The following RXYLT1 variants were observed in gnomAD, a reference collection of about 807,000 sequenced individuals.
The protein encoded by RXYLT1 is ribitol xylosyltransferase 1.
In RXYLT1, 41 loss-of-function variants were observed where a neutral mutation model predicts 43.5. The ratio of observed to expected loss-of-function variants is 0.94; its 90% CI spans 0.73 to 1.22. The LOEUF is 1.22. Among genes scored for constraint, RXYLT1 ranks in the 50% most tolerant of loss-of-function variants. RXYLT1 has a pLI of 0.00. For missense variants in RXYLT1, 514 were observed against 532.0 expected, an observed-to-expected ratio of 0.97 and a Z score of 0.33; for synonymous variants, 166 against 194.4, an observed-to-expected ratio of 0.85 and a Z score of 1.21.
At chr12:63,808,511 T>A (rs2136235003) in intron 5 of RXYLT1, 164 bp from the exon 6 acceptor site, 1 of 689,070 alleles carries the variant, frequency 1.5e-6, no homozygotes, top group Non-Finnish European at 2.3e-6. Context: ...TCAACATTTT[T>A]AAGAAATCTG....
chr12:63,783,145 T>G (rs1044770468), intron 2 of RXYLT1, among the ~76,000 whole-genome samples: 1 of 152,240 alleles, frequency 6.6e-6, no homozygotes, highest in African/African-American at 2.4e-5. Context: ...GATTTTCTTC[T>G]GAGCCCTCAC....
chr12:63,785,022 G>T lies in RXYLT1; in HGVS notation c.378G>T (p.Val126=). ...IFEGLLDPSD[V]TAQWREGKSI... ...AAGGCTTACTTGATCCCAGCGATGT[G>T]ACTGCTCAATGGAGAGAAGGAAAGT... The change falls in exon 3 of 6, where the codon GTG becomes GTT. Residue 126 remains valine (V), a synonymous_variant. Transcript: ENST00000261234. 1 of 1,613,942 alleles carries T rather than the reference G, an allele frequency of 6.2e-7. No individual in the cohort carries two copies. The highest frequency in any genetic ancestry group is 1.1e-5 in the South Asian group (1 of 91,060).
intron 2 of RXYLT1, chr12:63,782,665 T>C (rs1010577459): frequency 4.4e-6 from 2 of 455,426 alleles, no homozygotes; most frequent in African/African-American, 4.0e-5. Flanking sequence ...AGTAATCCCA[T>C]CTCCATTTCT....
chr12:63,781,163 A>G lies in RXYLT1; in HGVS notation c.314A>G (p.Lys105Arg). 6.4e-7 allele frequency: 1 copy of G among 1,566,166 alleles called. No individual in the cohort carries two copies. Among genetic ancestry groups the G allele is most frequent in the Non-Finnish European group, 8.6e-7 (1 of 1,159,462 alleles). ...GATCTCAGTGTACAAATCTGGGGCAAAGCTGCCATTGGTAAGTTAATACGT... is the reference window on the plus strand; with the variant it reads ...GATCTCAGTGTACAAATCTGGGGCAGAGCTGCCATTGGTAAGTTAATACGT... ...KTDLSVQIWG[K>R]AAIGLYLWEH... The change falls in exon 2 of 6, where the codon AAA becomes AGA. Residue 105 changes from lysine (K) to arginine (R), a missense_variant. Physicochemically the swap from Lys to Arg is conservative, Grantham distance 26 (BLOSUM62 2). Transcript: ENST00000261234.
chr12:63,782,041 G>C (rs928883117), intron 2 of RXYLT1, among the ~76,000 whole-genome samples: 1 of 152,152 alleles, frequency 6.6e-6, no homozygotes, highest in African/African-American at 2.4e-5. Flanking sequence ...TTTAAATAAA[G>C]TCTCTAATAT....
intron 3 of RXYLT1, among the ~76,000 whole-genome samples, chr12:63,788,746 T>A (rs1897859256): frequency 6.6e-6 from 1 of 152,248 alleles, no homozygotes; most frequent in South Asian, 2.1e-4. Flanking sequence ...AATAAGACTA[T>A]TTCACCTTCA....
At chr12:63,790,145 G>A (rs555347544) in intron 3 of RXYLT1, among the ~76,000 whole-genome samples, 1 of 152,120 alleles carries the variant, frequency 6.6e-6, no homozygotes, top group African/African-American at 2.4e-5. Flanking sequence ...CCAAATAAAT[G>A]ATATAGAATG....
intron 3 of RXYLT1, among the ~76,000 whole-genome samples, chr12:63,792,273 C>G (rs896782517): frequency 2.6e-5 from 4 of 152,176 alleles, no homozygotes; most frequent in African/African-American, 7.2e-5. Context: ...CACACCTTAT[C>G]CAGTGTAATA....
intron 3 of RXYLT1, among the ~76,000 whole-genome samples, chr12:63,799,957 T>C (rs1469866950): frequency 6.6e-6 from 1 of 152,210 alleles, no homozygotes; most frequent in Non-Finnish European, 1.5e-5. Flanking sequence ...TATCACTGAA[T>C]CATTAGTCAT....
chr12:63,792,575 G>A (rs148756843), intron 3 of RXYLT1, among the ~76,000 whole-genome samples: 1 of 152,308 alleles, frequency 6.6e-6, no homozygotes, highest in African/African-American at 2.4e-5. Flanking sequence ...CTGCTGGCGT[G>A]CTATGAGATT....
intron 3 of RXYLT1, among the ~76,000 whole-genome samples, chr12:63,798,060 C>T (rs1410971014): frequency 6.6e-6 from 1 of 152,180 alleles, no homozygotes; most frequent in Non-Finnish European, 1.5e-5. Flanking sequence ...CACCACCCAA[C>T]ATCTACCTAT....
At chr12:63,801,952 T>C in intron 3 of RXYLT1, 139 bp from the exon 4 acceptor site, 1 of 760,160 alleles carries the variant, frequency 1.3e-6, no homozygotes. Context: ...CAAAAGATTG[T>C]ATTATAGAAA....
rs1346354757 is a variant in RXYLT1, at chr12:63,808,732, G to T, written c.972G>T (p.Gln324His). ...AGAATTACCAAGATGCCTTGCTTCAGAGTGATCTCACATTGTGCCCGGTCG... is the reference window on the plus strand; with the variant it reads ...AGAATTACCAAGATGCCTTGCTTCATAGTGATCTCACATTGTGCCCGGTCG... ...SLKNYQDALLQSDLTLCPVGV... is the reference protein window; with the variant it reads ...SLKNYQDALLHSDLTLCPVGV... Residue 324 changes from glutamine (Q) to histidine (H), a missense_variant, in exon 6 of 6, where the codon CAG becomes CAT. Physicochemically the swap from Gln to His is conservative, Grantham distance 24. Transcript: ENST00000261234. 2 of 1,610,688 alleles carry T rather than the reference G, an allele frequency of 1.2e-6. No individual in the cohort carries two copies. The highest frequency in any genetic ancestry group is 4.5e-5 in the East Asian group (2 of 44,876).
chr12:63,800,957 T>A (rs899713997), intron 3 of RXYLT1, among the ~76,000 whole-genome samples: 1 of 152,088 alleles, frequency 6.6e-6, no homozygotes, highest in Non-Finnish European at 1.5e-5. Context: ...ACATTCCCAT[T>A]TACTCACCAT....
chr12:63,788,932 A>G (rs991618715), intron 3 of RXYLT1, among the ~76,000 whole-genome samples: 1 of 152,102 alleles, frequency 6.6e-6, no homozygotes, highest in Non-Finnish European at 1.5e-5. Context: ...AGCTTCTCCA[A>G]CCCACCTTAT....
At chr12:63,786,908 G>A (rs1278404171) in intron 3 of RXYLT1, among the ~76,000 whole-genome samples, 7 of 152,168 alleles carry the variant, frequency 4.6e-5, no homozygotes, top group African/African-American at 1.7e-4. Context: ...GAGGTCAGGA[G>A]TTCGAGACCA....
chr12:63,802,201 G>T lies in RXYLT1; in HGVS notation c.539G>T (p.Trp180Leu). 1.2e-6 allele frequency: 2 copies of T among 1,614,026 alleles called. No individual in the cohort carries two copies. The highest frequency in any genetic ancestry group is 2.2e-5 in the South Asian group (2 of 91,068). The change falls in exon 4 of 6, where the codon TGG becomes TTG. Residue 180 changes from tryptophan (W) to leucine (L), a missense_variant. Transcript: ENST00000261234. The stretch of plus-strand genomic sequence containing the variant: ...GCAAAGATCTTTTATGCCACCCAGT[G>T]GTTACTTTATGCACAAAATTTAGTG... Reference protein sequence around the residue: ...EKAKIFYATQWLLYAQNLVQI... With the variant: ...EKAKIFYATQLLLYAQNLVQI...
At position 63,781,168 on chromosome 12, in the gene RXYLT1, G is replaced by A; in HGVS notation, c.319G>A (p.Ala107Thr). ...DLSVQIWGKAAIGLYLWEHIF... is the reference protein window; with the variant it reads ...DLSVQIWGKATIGLYLWEHIF... Reference sequence around the variant, plus strand: ...CAGTGTACAAATCTGGGGCAAAGCTGCCATTGGTAAGTTAATACGTAGAAG... The same window carrying A: ...CAGTGTACAAATCTGGGGCAAAGCTACCATTGGTAAGTTAATACGTAGAAG... Residue 107 changes from alanine to threonine, a missense_variant, in exon 2 of 6, where the codon GCC (alanine) becomes ACC (threonine). By Grantham distance (58) the Ala-to-Thr change is moderately conservative. Transcript: ENST00000261234. The A allele has an allele frequency of 1.3e-6, 2 of 1,554,012 alleles. No individual in the cohort carries two copies. The highest frequency in any genetic ancestry group is 8.7e-7 in the Non-Finnish European group (1 of 1,153,432).
At chr12:63,803,613 G>C (rs2136232515) in intron 4 of RXYLT1, 1 of 152,278 alleles carries the variant, frequency 6.6e-6, no homozygotes, top group South Asian at 2.1e-4. Flanking sequence ...AACTCAGTAG[G>C]TTTGGGGTAA....
Sources: gnomAD v4.1 joint callset for allele counts (sites outside exome capture counted in the v4.1 genomes callset) on GRCh38, gnomAD v4.1.1 for gene constraint, MANE v1.5 for transcripts, NCBI Gene and HGNC (gene_info 2026-07-23, HGNC 2026-07-21) for gene names.